Variants in GPHN observed in about 807,000 individuals in gnomAD.
GPHN encodes gephyrin.
In GPHN, 17 loss-of-function variants were observed where a neutral mutation model predicts 95.5. That is an observed-to-expected ratio of 0.18 (90% CI 0.12 to 0.27). The LOEUF is 0.27. Among genes scored for constraint, GPHN ranks in the 10% least tolerant of loss-of-function variants. The probability of loss-of-function intolerance (pLI) is 1.00; values close to 1 mark genes in which losing one functional copy is unlikely to be tolerated. For missense variants in GPHN, 660 were observed against 978.1 expected (o/e 0.67, Z 4.34); for synonymous variants, 320 against 322.5 (o/e 0.99, Z 0.08).
chr14:67,323,261 G>GTGTGTATATATATA, the GPHN span, among the ~76,000 whole-genome samples: 207 of 124,166 alleles, frequency 1.7e-3, 1 homozygote, highest in Middle Eastern at 8.3e-3. Context: ...GTGTGTGTGT[G>GTGTGTATATATATA]TATATATATA....
chr14:67,648,254 G>C, the GPHN span: 3 of 1,502,870 alleles, frequency 2.0e-6, no homozygotes, highest in South Asian at 3.8e-5. Context: ...GCCTGCAAAG[G>C]ATCTTTTCTG....
At chr14:67,084,251 A>G (rs914476873) in intron 11 of GPHN, among the ~76,000 whole-genome samples, 6 of 152,208 alleles carry the variant, frequency 3.9e-5, no homozygotes, top group African/African-American at 4.8e-5. Flanking sequence ...AAATCTCATT[A>G]CCTTTCAAGA....
the GPHN span, chr14:67,581,870 G>T: frequency 1.8e-6 from 1 of 563,970 alleles, no homozygotes; most frequent in Non-Finnish European, 3.2e-6. Flanking sequence ...CCCTCCTGTT[G>T]GTATGAGATC....
intron 2 of GPHN, among the ~76,000 whole-genome samples, chr14:66,739,679 A>G (rs1036219825): frequency 3.3e-5 from 5 of 152,126 alleles, no homozygotes; most frequent in Admixed American, 6.5e-5. Flanking sequence ...TAAAATTCAA[A>G]GAAATACCAT....
chr14:67,648,125 T>A, the GPHN span: 2 of 1,614,074 alleles, frequency 1.2e-6, no homozygotes, highest in Non-Finnish European at 1.7e-6. Flanking sequence ...GAACTCCTGT[T>A]GTCGGGGGAC....
intron 3 of GPHN, among the ~76,000 whole-genome samples, chr14:66,802,074 G>A (rs1009473495): frequency 1.3e-5 from 2 of 152,182 alleles, no homozygotes; most frequent in African/African-American, 4.8e-5. Context: ...CCAGGCCCTA[G>A]GTGAGTCCAT....
chr14:67,073,772 T>C lies in GPHN; in HGVS notation c.1144+14986T>C, dbSNP rs577078704. 5.9e-4 allele frequency among the ~76,000 whole-genome samples: 90 copies of C among 152,272 alleles called. 3 individuals are homozygous for C. Among genetic ancestry groups the C allele is most frequent in the African/African-American group, 2.1e-3 (87 of 41,562 alleles). ...TTATTTTATGACATAAGAACTGTAATTGCCAGATAATGAGCATCTTTAGAT... is the reference window on the plus strand; with the variant it reads ...TTATTTTATGACATAAGAACTGTAACTGCCAGATAATGAGCATCTTTAGAT... On this transcript the variant is annotated intron_variant, in intron 11 of 22. Transcript: ENST00000478722.
chr14:67,359,590 G>C, the GPHN span: 2 of 1,564,616 alleles, frequency 1.3e-6, no homozygotes, highest in South Asian at 2.2e-5. Context: ...CTGTGGCCCA[G>C]GGTCTGAAGG....
intron 1 of GPHN, among the ~76,000 whole-genome samples, chr14:66,638,759 T>C (rs2064239596): frequency 6.6e-6 from 1 of 152,070 alleles, no homozygotes; most frequent in Non-Finnish European, 1.5e-5. Flanking sequence ...GAAAAAGTTA[T>C]GAAAATTGAG....
the GPHN span, chr14:67,412,007 C>G: frequency 1.3e-6 from 2 of 1,546,906 alleles, no homozygotes; most frequent in South Asian, 2.4e-5. Flanking sequence ...CGAAGCTCGA[C>G]GCGCACTCAC....
the GPHN span, chr14:67,569,610 T>TG: frequency 2.1e-6 from 1 of 466,200 alleles, no homozygotes; most frequent in Non-Finnish European, 3.9e-6. Flanking sequence ...ACGAGGGCTG[T>TG]GGGGTGGTCC....
the GPHN span, among the ~76,000 whole-genome samples, chr14:67,268,819 C>T: frequency 2.0e-5 from 3 of 152,168 alleles, no homozygotes; most frequent in African/African-American, 7.2e-5. Flanking sequence ...AATGCCTAAC[C>T]TCCTGGGAAT....
the GPHN span, among the ~76,000 whole-genome samples, chr14:67,307,329 A>G: frequency 3.3e-5 from 5 of 152,340 alleles, no homozygotes; most frequent in Middle Eastern, 3.4e-3. Flanking sequence ...TAGGGAGGGC[A>G]TAATAGACTT....
rs2060537046 is a variant in GPHN, at chr14:66,806,259, C to G, written c.202-18215C>G. ...CCAAGTCCCTAGACTGCACATAGCA[C>G]AAGGACCCTGGTCCCGGCCCATAAA... On this transcript the variant is annotated intron_variant, in intron 3 of 22. Transcript: ENST00000478722. 2.0e-5 allele frequency among the ~76,000 whole-genome samples: 3 copies of G among 152,186 alleles called. No homozygotes were observed. In the South Asian group the frequency reaches 6.2e-4, roughly 31 times the overall value.
the GPHN span, among the ~76,000 whole-genome samples, chr14:67,324,199 T>C: frequency 1.1e-3 from 164 of 152,368 alleles, no homozygotes; most frequent in Non-Finnish European, 1.7e-3. Context: ...CTTTATGTTC[T>C]GCTTTTTTTC....
chr14:67,403,123 G>T, the GPHN span, among the ~76,000 whole-genome samples: 6 of 152,192 alleles, frequency 3.9e-5, no homozygotes, highest in African/African-American at 1.4e-4. Context: ...TTTAACTGGG[G>T]TGAGATGATA....
At chr14:66,743,189 T>TC (rs1411844740) in intron 2 of GPHN, among the ~76,000 whole-genome samples, 4 of 151,618 alleles carry the variant, frequency 2.6e-5, no homozygotes, top group African/African-American at 9.7e-5. Flanking sequence ...AGAGTTCTTT[T>TC]TTTTTTTAAT....
chr14:66,657,587 A>G (rs1296349695), intron 1 of GPHN, among the ~76,000 whole-genome samples: 2 of 152,212 alleles, frequency 1.3e-5, no homozygotes, highest in African/African-American at 2.4e-5. Flanking sequence ...AATTGAAGCC[A>G]TTGCTCATTT....
chr14:67,157,842 A>G (rs1458249716), intron 18 of GPHN, among the ~76,000 whole-genome samples: 1 of 150,604 alleles, frequency 6.6e-6, no homozygotes, highest in Non-Finnish European at 1.5e-5. Flanking sequence ...AGAAGAGAGA[A>G]AGAGAAAAAG....
Sources: allele counts gnomAD v4.1 joint callset (sites outside exome capture counted in the v4.1 genomes callset), GRCh38; gene constraint gnomAD v4.1.1; transcripts MANE v1.5; gene names NCBI Gene and HGNC (gene_info 2026-07-23, HGNC 2026-07-21).